THADA: variants seen among roughly 807,000 people sequenced by gnomAD.
The protein encoded by THADA is tRNA (32-2'-O)-methyltransferase regulator THADA.
THADA carries 213 observed loss-of-function variants against 219.8 expected under a neutral mutation model. The observed-to-expected ratio is 0.97, with a 90% confidence interval of 0.87 to 1.09. The LOEUF (loss-of-function observed/expected upper bound fraction) is 1.09, where lower values mean the gene tolerates loss of function less well. THADA is among the 50% of genes least tolerant of loss of function. The pLI, the probability that THADA is intolerant of heterozygous loss-of-function variation, is 0.00. For synonymous variants in THADA, 1,018 were observed against 828.9 expected (o/e 1.23, Z -3.92); for missense variants, 2,956 against 2,311.3 (o/e 1.28, Z -5.72).
chr2:43,514,723 A>T (rs1485093073), intron 22 of THADA, among the ~76,000 whole-genome samples: 3 of 86,690 alleles, frequency 3.5e-5, no homozygotes, highest in African/African-American at 1.6e-4. Flanking sequence ...AATATATATT[A>T]TATATAATAT....
chr2:43,532,537 G>C (rs758970618), intron 21 of THADA, among the ~76,000 whole-genome samples: 1 of 151,748 alleles, frequency 6.6e-6, no homozygotes, highest in Admixed American at 6.6e-5. Context: ...AAAGGCCTTC[G>C]ATAAAATTCA....
chr2:43,422,490 G>A (rs546543323), intron 28 of THADA, among the ~76,000 whole-genome samples: 150 of 152,180 alleles, frequency 9.9e-4, no homozygotes, highest in African/African-American at 3.5e-3. Flanking sequence ...CAGAGTTCAG[G>A]GGGACTACAG....
At chr2:43,460,406 G>C (rs1683495538) in intron 26 of THADA, among the ~76,000 whole-genome samples, 1 of 151,998 alleles carries the variant, frequency 6.6e-6, no homozygotes. Context: ...GCAAAGATTT[G>C]GAAAATACAT....
Position 43,329,781 on chromosome 2 carries a change from G to T in THADA, c.4344-9241C>A, listed in dbSNP as rs188680474. Among the ~76,000 whole-genome samples, 20 of 152,340 alleles carry T rather than the reference G, an allele frequency of 1.3e-4. No homozygotes were observed. The East Asian group carries it at 3.7e-3, about 28-fold the overall frequency. The stretch of plus-strand genomic sequence containing the variant: ...GCAATTAGAAACCACGTAGACTGGT[G>T]TTATATCCTGGTAGCCAGTCTGGTG... On this transcript the variant is annotated intron_variant, in intron 30 of 37. Coordinates refer to ENST00000405975, the MANE Select transcript of THADA (RefSeq NM_022065.5).
intron 1 of THADA, among the ~76,000 whole-genome samples, chr2:43,593,096 G>C (rs1436468356): frequency 1.3e-5 from 2 of 152,096 alleles, no homozygotes; most frequent in Non-Finnish European, 2.9e-5. Context: ...AGCATCTTTA[G>C]CAGTATTTAT....
chr2:43,231,331 A>G lies in THADA; in HGVS notation c.5479T>C (p.Tyr1827His). 1 of 1,547,948 alleles carries G rather than the reference A, an allele frequency of 6.5e-7. No individual in the cohort carries two copies. Among genetic ancestry groups the G allele is most frequent in the Admixed American group, 2.1e-5 (1 of 47,706 alleles). The stretch of plus-strand genomic sequence containing the variant: ...TTGACTTCTGCTTTTTCAAACAGGT[A>G]GTCTTCTTCCACCTAAATCAGATGA... ...VESMHQVEED[Y>H]LFEKAEVNFW... The change falls in exon 38 of 38, where the codon TAC becomes CAC. Residue 1827 changes from tyrosine to histidine, a missense_variant. Physicochemically the swap from Tyr to His is moderately conservative, Grantham distance 83. Transcript: ENST00000405975.
intron 36 of THADA, among the ~76,000 whole-genome samples, chr2:43,270,740 A>T (rs972870176): frequency 6.6e-6 from 1 of 151,978 alleles, no homozygotes; most frequent in Non-Finnish European, 1.5e-5. Flanking sequence ...CCAGCTACTC[A>T]GGAGGCTGAG....
chr2:43,424,541 C>G (rs556476552), intron 28 of THADA, among the ~76,000 whole-genome samples: 1 of 152,234 alleles, frequency 6.6e-6, no homozygotes, highest in Non-Finnish European at 1.5e-5. Context: ...ATCAGAACCA[C>G]AAGCACTGCC....
chr2:43,442,589 AT>A (rs1680983946), intron 26 of THADA, among the ~76,000 whole-genome samples: 1 of 152,066 alleles, frequency 6.6e-6, no homozygotes, highest in Non-Finnish European at 1.5e-5. Flanking sequence ...AGGTACAAAA[AT>A]TTTTTTTCTG....
intron 22 of THADA, among the ~76,000 whole-genome samples, chr2:43,518,478 C>T (rs576562131): frequency 6.6e-6 from 1 of 152,232 alleles, no homozygotes; most frequent in East Asian, 1.9e-4. Flanking sequence ...CCAAAATCAA[C>T]TCTATTAACC....
chr2:43,549,145 G>T, intron 20 of THADA, 65 bp downstream of exon 20: 1 of 1,307,898 alleles, frequency 7.6e-7, no homozygotes, highest in South Asian at 1.6e-5. Flanking sequence ...CATATAAAAA[G>T]GGCATTCTGT....
chr2:43,253,312 C>CT (rs1337545573), intron 36 of THADA, among the ~76,000 whole-genome samples: 3 of 151,710 alleles, frequency 2.0e-5, no homozygotes, highest in Non-Finnish European at 4.4e-5. Flanking sequence ...GAAAGAGCAC[C>CT]TTTTTTGCTG....
intron 36 of THADA, among the ~76,000 whole-genome samples, chr2:43,276,706 G>A (rs1672763192): frequency 6.6e-6 from 1 of 152,162 alleles, no homozygotes; most frequent in South Asian, 2.1e-4. Context: ...GTCTCCCTTT[G>A]CCCTCTCCAT....
At chr2:43,399,494 G>T (rs1235499183) in intron 28 of THADA, among the ~76,000 whole-genome samples, 1 of 152,146 alleles carries the variant, frequency 6.6e-6, no homozygotes, top group Non-Finnish European at 1.5e-5. Context: ...TGTACAAATA[G>T]AATAGCCTGA....
chr2:43,280,676 A>C (rs372646718), intron 35 of THADA, among the ~76,000 whole-genome samples: 54 of 152,068 alleles, frequency 3.6e-4, no homozygotes, highest in South Asian at 2.5e-3. Context: ...ACAACAACAA[A>C]AAAAAGAGAC....
At chr2:43,585,724 A>G (rs916421941) in intron 7 of THADA, among the ~76,000 whole-genome samples, 2 of 152,068 alleles carry the variant, frequency 1.3e-5, no homozygotes, top group Non-Finnish European at 2.9e-5. Flanking sequence ...AAACAAAAAA[A>G]CTATCATGAA....
intron 12 of THADA, 86 bp from the exon 13 acceptor site, chr2:43,571,948 C>T (rs1423823928): frequency 7.5e-7 from 1 of 1,325,730 alleles, no homozygotes; most frequent in African/African-American, 1.5e-5. Context: ...ACATAGGCTA[C>T]AAAAGGAAAA....
At chr2:43,448,556 CTTTCT>C (rs1447425132) in intron 26 of THADA, among the ~76,000 whole-genome samples, 3 of 75,224 alleles carry the variant, frequency 4.0e-5, no homozygotes, top group African/African-American at 1.4e-4. Flanking sequence ...ACTTTTCTTC[CTTTCT>C]TTTTTTTTTT....
chr2:43,451,674 T>C (rs1042888394), intron 26 of THADA, among the ~76,000 whole-genome samples: 2 of 152,228 alleles, frequency 1.3e-5, no homozygotes, highest in African/African-American at 2.4e-5. Context: ...TTAATCAACC[T>C]GACTCTAAAG....
Sources: gnomAD v4.1 joint callset for allele counts (sites outside exome capture counted in the v4.1 genomes callset) on GRCh38, gnomAD v4.1.1 for gene constraint, MANE v1.5 for transcripts, NCBI Gene and HGNC (gene_info 2026-07-23, HGNC 2026-07-21) for gene names.